Variants in MGLL observed in about 807,000 individuals in gnomAD.
The protein encoded by MGLL is monoglyceride lipase, also known as lysophospholipase homolog.
In MGLL, 7 loss-of-function variants were observed where a neutral mutation model predicts 29.1. The observed-to-expected ratio is 0.24, with a 90% CI of 0.14 to 0.45. The LOEUF (loss-of-function observed/expected upper bound fraction) is 0.45. Among genes scored for constraint, MGLL ranks in the 20% least tolerant of loss-of-function variants. MGLL has a pLI of 0.99. For synonymous variants in MGLL, 148 were observed against 168.3 expected (o/e 0.88, Z 0.93); for missense variants, 356 against 413.6 (o/e 0.86, Z 1.21).
At chr3:127,696,075 G>A (rs959754121) in intron 6 of MGLL, among the ~76,000 whole-genome samples, 15 of 152,318 alleles carry the variant, frequency 9.8e-5, no homozygotes, top group East Asian at 7.7e-4. Flanking sequence ...GGGTGGGCTC[G>A]GCCTCCGTGC....
chr3:127,775,309 C>T lies in MGLL; in HGVS notation c.262+6480G>A, dbSNP rs186475129. On this transcript the variant is annotated intron_variant, in intron 3 of 7. Coordinates refer to ENST00000265052, the MANE Select transcript of MGLL (RefSeq NM_007283.7). ...CTCATATTTACTAAGGCAAGAAAAACGGTTAACACATTTTTCAAACGTTTC... is the reference window on the plus strand; with the variant it reads ...CTCATATTTACTAAGGCAAGAAAAATGGTTAACACATTTTTCAAACGTTTC... Among the ~76,000 whole-genome samples, 299 of 152,290 alleles carry T rather than the reference C, an allele frequency of 2.0e-3. 8 individuals carry two copies. Among genetic ancestry groups the T allele is most frequent in the Admixed American group, 0.019 (295 of 15,304 alleles).
intron 5 of MGLL, 78 bp from the exon 6 acceptor site, chr3:127,710,743 T>A: frequency 1.6e-6 from 2 of 1,276,836 alleles, no homozygotes; most frequent in Non-Finnish European, 2.2e-6. Flanking sequence ...CAGTTTACAG[T>A]ACATTAAGGA....
At chr3:127,743,930 A>G (rs895153745) in intron 3 of MGLL, among the ~76,000 whole-genome samples, 1 of 152,142 alleles carries the variant, frequency 6.6e-6, no homozygotes, top group African/African-American at 2.4e-5. Context: ...CCCGACTACC[A>G]CTGCACTGAG....
intron 3 of MGLL, among the ~76,000 whole-genome samples, chr3:127,762,160 A>ATG (rs2076776223): frequency 6.6e-6 from 1 of 152,196 alleles, no homozygotes; most frequent in South Asian, 2.1e-4. Flanking sequence ...TATTGCTTCC[A>ATG]CGTTAGTGAC....
chr3:127,736,349 T>G, intron 3 of MGLL: 1 of 985,962 alleles, frequency 1.0e-6, no homozygotes, highest in Non-Finnish European at 1.2e-6. Context: ...ACAGCTGAAG[T>G]CAGGATCCCA....
rs2075223779 is a variant in MGLL, at chr3:127,690,581, C to T, written c.*1617G>A. 6.5e-6 allele frequency: 1 copy of T among 152,780 alleles called. No homozygotes were observed. The highest frequency in any genetic ancestry group is 1.5e-5 in the Non-Finnish European group (1 of 68,114). 9.5% of individuals were successfully genotyped at this position (152,780 alleles called of 1,614,324 possible). A position where few individuals can be genotyped will look rare whatever the true frequency, so the allele number is the denominator to read the frequency against. On this transcript the variant is annotated 3_prime_UTR_variant, in exon 8 of 8. Coordinates refer to ENST00000265052, the MANE Select transcript of MGLL (RefSeq NM_007283.7). ...GGAAGAAGGGCGGGAGCCCCTGAGG[C>T]CTAGACTTCATGTTGGGGGTCCTGG...
chr3:127,813,323 T>C (rs886727357), intron 2 of MGLL, among the ~76,000 whole-genome samples: 1 of 152,154 alleles, frequency 6.6e-6, no homozygotes, highest in African/African-American at 2.4e-5. Flanking sequence ...TCCTGGCTGC[T>C]CTAAGTAGGT....
At chr3:127,697,906 G>A (rs1280847006) in intron 6 of MGLL, among the ~76,000 whole-genome samples, 2 of 152,160 alleles carry the variant, frequency 1.3e-5, no homozygotes, top group Admixed American at 6.5e-5. Flanking sequence ...GGGACCTGTG[G>A]GGTGGGGGCC....
rs1214854035 is a variant in MGLL at position 127,692,124 on chromosome 3, A to G, written c.*74T>C. On this transcript the variant is annotated 3_prime_UTR_variant, in exon 8 of 8. Transcript: ENST00000265052. ...TTTTTTTTTTTTTTTTTGGCAAGCC[A>G]TATCTGAGAAGCCATCTCTGCCCTT... The G allele has an allele frequency of 1.8e-5, 16 of 891,544 alleles. No homozygotes were observed. Among genetic ancestry groups the G allele is most frequent in the Middle Eastern group, 3.7e-4 (1 of 2,680 alleles). The allele number at this position is 891,544 out of a possible 1,614,324, so 55.2% of individuals were successfully genotyped here. A position where few individuals can be genotyped will look rare whatever the true frequency, so the allele number is the denominator to read the frequency against.
intron 2 of MGLL, among the ~76,000 whole-genome samples, chr3:127,782,509 A>T (rs1276824446): frequency 6.6e-6 from 1 of 152,320 alleles, no homozygotes; most frequent in Non-Finnish European, 1.5e-5. Context: ...TGTGAGGCTC[A>T]TGGGAGCTAA....
chr3:127,813,067 G>A (rs1005589435), intron 2 of MGLL, among the ~76,000 whole-genome samples: 1 of 152,186 alleles, frequency 6.6e-6, no homozygotes, highest in African/African-American at 2.4e-5. Context: ...CCAGTAGACT[G>A]TCAATGACCT....
Position 127,695,021 on chromosome 3 carries a change from G to A in MGLL, c.770C>T (p.Ala257Val), listed in dbSNP as rs1324084638. 6.2e-7 allele frequency: 1 copy of A among 1,613,938 alleles called. No homozygotes were observed. The highest frequency in any genetic ancestry group is 8.5e-7 in the Non-Finnish European group (1 of 1,180,030). ...CTTGGCTAACTCCATGAGCAGGTAG[G>A]CCCCTTTGCTGTCACATAGGCGATC... The part of the protein sequence containing the change: ...SADRLCDSKG[A>V]YLLMELAKSQ... Residue 257 changes from alanine to valine, a missense_variant, in exon 7 of 8, where the codon GCC becomes GTC. Transcript: ENST00000265052.
At chr3:127,693,763 G>A (rs1406420892) in intron 7 of MGLL, among the ~76,000 whole-genome samples, 1 of 152,220 alleles carries the variant, frequency 6.6e-6, no homozygotes, top group East Asian at 1.9e-4. Context: ...GGGCAGGGCA[G>A]AGCCTTTGCC....
chr3:127,799,670 G>A (rs540885200), intron 2 of MGLL, among the ~76,000 whole-genome samples: 9 of 152,270 alleles, frequency 5.9e-5, no homozygotes, highest in East Asian at 5.8e-4. Flanking sequence ...CTCATCTCCC[G>A]GCTGTGCCTC....
chr3:127,821,904 A>T, intron 1 of MGLL, 66 bp from the exon 2 acceptor site: 1 of 1,535,244 alleles, frequency 6.5e-7, no homozygotes, highest in Non-Finnish European at 8.9e-7. Flanking sequence ...ATAGGAGAGA[A>T]AAGTCTAGTT....
rs571978232 is a variant in MGLL at position 127,811,437 on chromosome 3, G to A, written c.155+10257C>T. On this transcript the variant is annotated intron_variant, in intron 2 of 7. Coordinates refer to ENST00000265052, the MANE Select transcript of MGLL (RefSeq NM_007283.7). Reference sequence around the variant, plus strand: ...CTGGAGAGTCTAGAGCTGGTACCTTGTCTAAAGTTACTCAGAGGCAGAGGT... The same window carrying A: ...CTGGAGAGTCTAGAGCTGGTACCTTATCTAAAGTTACTCAGAGGCAGAGGT... Among the ~76,000 whole-genome samples, 29 of 152,338 alleles carry A rather than the reference G, an allele frequency of 1.9e-4. No homozygotes were observed. In the South Asian group the frequency reaches 5.6e-3, roughly 29 times the overall value.
intron 7 of MGLL, among the ~76,000 whole-genome samples, chr3:127,694,286 AATATATAT>A (rs869111063): frequency 2.0e-5 from 2 of 97,906 alleles, no homozygotes; most frequent in African/African-American, 4.2e-5. Context: ...AAAAAAAAAA[AATATATAT>A]ATATATATAT....
intron 2 of MGLL, among the ~76,000 whole-genome samples, chr3:127,793,377 A>G (rs1473913095): frequency 6.6e-6 from 1 of 152,260 alleles, no homozygotes; most frequent in Non-Finnish European, 1.5e-5. Context: ...GTGTGTGAAT[A>G]TAACTTATTT....
In MGLL at chr3:127,691,829, G is replaced by A. The variant is rs555387490; in HGVS notation, c.*369C>T. The A allele has an allele frequency of 2.1e-5, 6 of 289,312 alleles. No homozygotes were observed. The highest frequency in any genetic ancestry group is 4.5e-5 in the African/African-American group (2 of 44,258). 17.9% of individuals were successfully genotyped at this position (289,312 alleles called of 1,614,324 possible). A position where few individuals can be genotyped will look rare whatever the true frequency, so the allele number is the denominator to read the frequency against. On this transcript the variant is annotated 3_prime_UTR_variant, in exon 8 of 8. Transcript: ENST00000265052. ...AGCGAAGGGTGGGCAGGAAGGAGGCGCCTCCAGTTATTGCAGTCTGGTGTC... is the reference window on the plus strand; with the variant it reads ...AGCGAAGGGTGGGCAGGAAGGAGGCACCTCCAGTTATTGCAGTCTGGTGTC...
Sources: allele counts gnomAD v4.1 joint callset (sites outside exome capture counted in the v4.1 genomes callset), GRCh38; gene constraint gnomAD v4.1.1; transcripts MANE v1.5; gene names NCBI Gene and HGNC (gene_info 2026-07-23, HGNC 2026-07-21).